The following TASOR2 variants were observed in gnomAD, a reference collection of about 807,000 sequenced individuals.
The protein encoded by TASOR2 is protein TASOR 2.
TASOR2 carries 84 observed loss-of-function variants against 199.5 expected under a neutral mutation model. The ratio of observed to expected loss-of-function variants is 0.42; its 90% CI spans 0.35 to 0.50. The LOEUF (loss-of-function observed/expected upper bound fraction) is 0.50. TASOR2 is among the 20% of genes least tolerant of loss of function. The pLI is 0.02. For synonymous variants in TASOR2, 1,103 were observed against 1,046.6 expected, an observed-to-expected ratio of 1.05 and a Z score of -1.04; for missense variants, 2,796 against 2,835.9, an observed-to-expected ratio of 0.99 and a Z score of 0.32.
chr10:5,743,307 T>C (rs1836696097), intron 14 of TASOR2, among the ~76,000 whole-genome samples: 1 of 152,206 alleles, frequency 6.6e-6, no homozygotes, highest in South Asian at 2.1e-4. Flanking sequence ...GTGAGCCTCA[T>C]AGAACCCGTG....
intron 1 of TASOR2, among the ~76,000 whole-genome samples, chr10:5,707,240 G>A (rs1838749499): frequency 6.6e-6 from 1 of 152,128 alleles, no homozygotes; most frequent in African/African-American, 2.4e-5. Context: ...ACTAAAGGAG[G>A]CCTTAGAGAG....
rs1186728309 is a variant in TASOR2 at position 5,740,809 on chromosome 10, T to G, written c.2327+312T>G. ...TCAATTTTTAGATGAGATCTTAATG[T>G]AAAATAGTGTGAGATTTAGAAATAA... is the stretch of plus-strand genomic sequence containing the variant. On this transcript the variant is annotated intron_variant, in intron 13 of 20. Transcript: ENST00000328090. This position sits in a 1 kb window ranked among gnomAD's most constrained non-coding sequence, Gnocchi z 5.3. Among the ~76,000 whole-genome samples, 1 of 152,196 alleles carries G rather than the reference T, an allele frequency of 6.6e-6. No homozygotes were observed. The highest frequency in any genetic ancestry group is 1.9e-4 in the East Asian group (1 of 5,202).
At chr10:5,749,773 T>C (rs1269555956) in exon 15 of TASOR2, 5 of 1,614,218 alleles carry the variant, frequency 3.1e-6, no homozygotes, top group Non-Finnish European at 4.2e-6. Flanking sequence ...GTATGCTGAA[T>C]TCAACAAGGT....
At position 5,737,347 on chromosome 10, in the gene TASOR2, T is replaced by A. The variant is rs1835763145; in HGVS notation, c.1447+1801T>A. Reference sequence around the variant, plus strand: ...TTCTTTAAGTTTTTTCAGATTGTTTTATGACTGAAGATTTTTTTAAAAGCT... The same window carrying A: ...TTCTTTAAGTTTTTTCAGATTGTTTAATGACTGAAGATTTTTTTAAAAGCT... On this transcript the variant is annotated intron_variant, in intron 12 of 20. Coordinates refer to ENST00000328090, the Ensembl canonical transcript of TASOR2. This position sits in a 1 kb window ranked among gnomAD's most constrained non-coding sequence, Gnocchi z 4.9. Among the ~76,000 whole-genome samples the A allele has an allele frequency of 6.6e-6, 1 of 152,084 alleles. No homozygotes were observed. The highest frequency in any genetic ancestry group is 2.1e-4 in the South Asian group (1 of 4,830).
chr10:5,718,692 G>A (rs1012295821), intron 3 of TASOR2, among the ~76,000 whole-genome samples: 3 of 151,560 alleles, frequency 2.0e-5, no homozygotes, highest in Admixed American at 6.6e-5. Flanking sequence ...CTGGAAGGCG[G>A]AGGTTGCAGT....
chr10:5,760,669 A>G (rs1839678376), intron 18 of TASOR2, among the ~76,000 whole-genome samples: 1 of 152,218 alleles, frequency 6.6e-6, no homozygotes, highest in Non-Finnish European at 1.5e-5. Context: ...GATGTCATAA[A>G]AAATTTATAC....
chr10:5,712,522 G>T, intron 1 of TASOR2: 1 of 1,231,594 alleles, frequency 8.1e-7, no homozygotes, highest in South Asian at 4.1e-5. Context: ...GGTGAAAAAT[G>T]ACATTTTCTT....
At chr10:5,761,607 T>TGCTGAA (rs1018426714) in intron 19 of TASOR2, 136 bp downstream of exon 20, 2 of 706,470 alleles carry the variant, frequency 2.8e-6, no homozygotes, top group Non-Finnish European at 4.8e-6. Context: ...CACCCAAATC[T>TGCTGAA]GCTGAAGCTG....
intron 17 of TASOR2, among the ~76,000 whole-genome samples, 185 bp from the exon 19 acceptor site, chr10:5,758,692 GCAGGTGGGAC>G (rs1263541618): frequency 6.6e-6 from 1 of 152,242 alleles, no homozygotes; most frequent in Non-Finnish European, 1.5e-5. Flanking sequence ...CATAGTGTGA[GCAGGTGGGAC>G]CAGGCTGAGG....
intron 18 of TASOR2, 96 bp from the exon 20 acceptor site, chr10:5,761,194 A>G: frequency 9.8e-7 from 1 of 1,016,062 alleles, no homozygotes; most frequent in South Asian, 1.6e-5. Context: ...AGAAAGGCAG[A>G]GGAACTCATG....
chr10:5,762,160 G>C (rs2797498), intron 19 of TASOR2, among the ~76,000 whole-genome samples: 2,457 of 151,336 alleles, frequency 0.016, 71 homozygotes, highest in African/African-American at 0.057. Context: ...TAGCTACTTG[G>C]GTTAAGGCAG....
intron 18 of TASOR2, chr10:5,760,811 C>T (rs1048580148): frequency 5.9e-5 from 9 of 152,430 alleles, no homozygotes; most frequent in African/African-American, 1.7e-4. Context: ...AGACGGGAGT[C>T]GAGCAGAGAC....
At chr10:5,707,503 C>G (rs1838783109) in intron 1 of TASOR2, among the ~76,000 whole-genome samples, 1 of 152,076 alleles carries the variant, frequency 6.6e-6, no homozygotes, top group South Asian at 2.1e-4. Context: ...GAGTCCTTTT[C>G]TAAGAAAGGT....
At chr10:5,713,429 A>T (rs1363341657) in intron 2 of TASOR2, among the ~76,000 whole-genome samples, 1 of 152,212 alleles carries the variant, frequency 6.6e-6, no homozygotes, top group African/African-American at 2.4e-5. Context: ...TGTACAGGGT[A>T]GGTCTCCAAA....
intron 1 of TASOR2, among the ~76,000 whole-genome samples, chr10:5,688,833 A>G (rs571294140): frequency 3.5e-4 from 53 of 151,144 alleles, no homozygotes; most frequent in Non-Finnish European, 7.4e-4. Flanking sequence ...GTGAGACCCC[A>G]TCTTTACAAA....
intron 2 of TASOR2, among the ~76,000 whole-genome samples, chr10:5,716,915 TA>T (rs1338264373): frequency 6.8e-6 from 1 of 146,842 alleles, no homozygotes; most frequent in Non-Finnish European, 1.5e-5. Flanking sequence ...TAAATATAAA[TA>T]TATATATATA....
At chr10:5,736,086 G>A (rs749875080) in intron 12 of TASOR2, among the ~76,000 whole-genome samples, 11 of 152,052 alleles carry the variant, frequency 7.2e-5, no homozygotes, top group South Asian at 4.1e-4. Context: ...CTACAAGCAC[G>A]TACCACCATG....
intron 12 of TASOR2, among the ~76,000 whole-genome samples, chr10:5,736,171 A>T (rs1428566127): frequency 6.6e-6 from 1 of 152,138 alleles, no homozygotes; most frequent in Non-Finnish European, 1.5e-5. Context: ...CTGTAATCCC[A>T]GCACTTTGTG....
At chr10:5,715,526 A>G (rs117130655) in intron 2 of TASOR2, among the ~76,000 whole-genome samples, 1,677 of 152,294 alleles carry the variant, frequency 0.011, 10 homozygotes, top group Non-Finnish European at 0.018. Context: ...CATGTTTTTA[A>G]GGCATATTGT....
Sources: gnomAD v4.1 joint callset for allele counts (sites outside exome capture counted in the v4.1 genomes callset) on GRCh38, gnomAD v4.1.1 for gene constraint, Gnocchi (gnomAD v3.1) non-coding constraint, MANE v1.5 for transcripts, NCBI Gene and HGNC (gene_info 2026-07-23, HGNC 2026-07-21) for gene names.